Variants in PCDH11X observed in about 807,000 individuals in gnomAD.
The protein encoded by PCDH11X is protocadherin 11 X-linked, also known as protocadherin-11 X-linked.
PCDH11X carries 18 observed loss-of-function variants against 53.3 expected under a neutral mutation model. The observed-to-expected ratio is 0.34, with a 90% CI of 0.23 to 0.50. The LOEUF is 0.50. PCDH11X is among the 20% of genes least tolerant of loss of function. PCDH11X has a pLI of 0.98. For missense variants in PCDH11X, 570 were observed against 1,032.4 expected (o/e 0.55, Z 6.14); for synonymous variants, 279 against 393.3 (o/e 0.71, Z 3.44).
chrX:92,451,845 G>A (rs1372591801), intron 9 of PCDH11X, among the ~76,000 whole-genome samples: 2 of 110,867 alleles, frequency 1.8e-5, no homozygotes, highest in African/African-American at 6.6e-5. Context: ...ATTCTCCCTA[G>A]ACTAAATTCT....
intron 5 of PCDH11X, among the ~76,000 whole-genome samples, chrX:91,841,114 C>T (rs947455158): frequency 9.0e-6 from 1 of 110,559 alleles, no homozygotes; most frequent in Admixed American, 9.8e-5. Context: ...TCAAAGTACA[C>T]TTCCACTGGG....
chrX:91,886,767 C>T (rs750024656), intron 6 of PCDH11X, among the ~76,000 whole-genome samples: 52 of 108,620 alleles, frequency 4.8e-4, no homozygotes, highest in South Asian at 7.9e-4. Context: ...GTCAGGAGAT[C>T]GAGACCATCC....
chrX:92,091,199 C>T (rs1330152569), intron 6 of PCDH11X, among the ~76,000 whole-genome samples: 1 of 111,222 alleles, frequency 9.0e-6, no homozygotes, highest in Non-Finnish European at 1.9e-5. Flanking sequence ...AACAGGAAGT[C>T]AGTTTAGAAG....
chrX:92,314,822 T>C (rs1174251440), intron 8 of PCDH11X, among the ~76,000 whole-genome samples: 3 of 111,557 alleles, frequency 2.7e-5, no homozygotes, highest in South Asian at 3.8e-4. Flanking sequence ...ATCTAAAACA[T>C]TGATATACAG....
At chrX:92,416,176 A>G (rs981713405) in intron 9 of PCDH11X, among the ~76,000 whole-genome samples, 3 of 110,975 alleles carry the variant, frequency 2.7e-5, no homozygotes, top group Non-Finnish European at 5.7e-5. Flanking sequence ...GATCCTGGAA[A>G]GGGTAGTGGG....
At chrX:92,545,353 G>A (rs1186589564) in intron 10 of PCDH11X, among the ~76,000 whole-genome samples, 1 of 96,459 alleles carries the variant, frequency 1.0e-5, no homozygotes, top group Non-Finnish European at 2.1e-5. Context: ...TTAAAGTCTC[G>A]TTTTTAGTAT....
At chrX:92,578,359 T>TA (rs1219794820) in intron 10 of PCDH11X, among the ~76,000 whole-genome samples, 1 of 109,498 alleles carries the variant, frequency 9.1e-6, no homozygotes, top group Non-Finnish European at 1.9e-5. Flanking sequence ...TAATGTATAA[T>TA]AAAAATAAAT....
rs754306629 is a variant in PCDH11X at position 92,422,051 on chromosome X, G to T, written c.3343+34118G>T. ...AGTTTCTACTTCTGTGAAAGAAATA[G>T]AATGTCTACTTATTAGACAGTGATT... is the stretch of plus-strand genomic sequence containing the variant. On this transcript the variant is annotated intron_variant, in intron 9 of 10. Transcript: ENST00000682573. Among the ~76,000 whole-genome samples, 3 of 109,174 alleles carry T rather than the reference G, an allele frequency of 2.7e-5. No homozygotes were observed. In the South Asian group the frequency reaches 1.2e-3, roughly 43 times the overall value. 94.8% of individuals were successfully genotyped at this position (109,174 alleles called of 115,157 possible). A position where few individuals can be genotyped will look rare whatever the true frequency, so the allele number is the denominator to read the frequency against.
At chrX:91,825,356 G>GAT (rs1936877038) in intron 4 of PCDH11X, among the ~76,000 whole-genome samples, 3 of 111,729 alleles carry the variant, frequency 2.7e-5, no homozygotes, top group African/African-American at 9.8e-5. Context: ...TTCCGAGCCA[G>GAT]GTGCAGGATA....
intron 9 of PCDH11X, chrX:92,460,710 A>G: frequency 9.9e-7 from 1 of 1,005,213 alleles, no homozygotes; most frequent in Non-Finnish European, 1.4e-6. Flanking sequence ...GAGCTGGCAC[A>G]GACCCGGGCA....
intron 10 of PCDH11X, among the ~76,000 whole-genome samples, chrX:92,589,065 GA>G (rs1198642021): frequency 9.0e-6 from 1 of 111,238 alleles, no homozygotes; most frequent in African/African-American, 3.3e-5. Context: ...CAACAACAAA[GA>G]AAACCCTTCT....
In PCDH11X at chrX:91,992,914, A is replaced by G. The variant is rs188953899; in HGVS notation, c.3033+113641A>G. Among the ~76,000 whole-genome samples, 13 of 112,036 alleles carry G rather than the reference A, an allele frequency of 1.2e-4. No homozygotes were observed. In the East Asian group the frequency reaches 3.7e-3, roughly 32 times the overall value. On this transcript the variant is annotated intron_variant, in intron 6 of 10. Coordinates refer to ENST00000682573, the MANE Select transcript of PCDH11X (RefSeq NM_032968.5). ...TTTAACTATCAGATATTGCTTCACTACTGGTGTAAATGGGGTGTAGTTTGG... is the reference window on the plus strand; with the variant it reads ...TTTAACTATCAGATATTGCTTCACTGCTGGTGTAAATGGGGTGTAGTTTGG...
chrX:91,971,250 A>G (rs2061956165), intron 6 of PCDH11X, among the ~76,000 whole-genome samples: 1 of 110,580 alleles, frequency 9.0e-6, no homozygotes, highest in African/African-American at 3.3e-5. Flanking sequence ...ACAAAAAAAA[A>G]AGAAGAAACT....
intron 6 of PCDH11X, among the ~76,000 whole-genome samples, chrX:91,956,405 C>T (rs1213434435): frequency 9.0e-6 from 1 of 111,549 alleles, no homozygotes; most frequent in Non-Finnish European, 1.9e-5. Flanking sequence ...TTTTCCTTTC[C>T]ATATTTAGTG....
chrX:92,567,201 A>T (rs1921579809), intron 10 of PCDH11X, among the ~76,000 whole-genome samples: 2 of 105,839 alleles, frequency 1.9e-5, no homozygotes, highest in Non-Finnish European at 1.9e-5. Context: ...GCATTGAATG[A>T]ATAAATTATT....
intron 7 of PCDH11X, among the ~76,000 whole-genome samples, chrX:92,210,726 A>G (rs961896264): frequency 9.0e-5 from 10 of 111,632 alleles, no homozygotes; most frequent in African/African-American, 3.3e-4. Context: ...AATTTCTTCC[A>G]CCAGATACCC....
chrX:91,902,995 AT>A (rs1266364253), intron 6 of PCDH11X, among the ~76,000 whole-genome samples: 1 of 111,826 alleles, frequency 8.9e-6, no homozygotes, highest in Non-Finnish European at 1.9e-5. Flanking sequence ...AACTCATTTA[AT>A]TTTCATACTA....
intron 7 of PCDH11X, among the ~76,000 whole-genome samples, chrX:92,233,286 T>G (rs990679632): frequency 2.7e-5 from 3 of 111,522 alleles, no homozygotes; most frequent in Non-Finnish European, 3.8e-5. Flanking sequence ...TCCTTTCCCA[T>G]TTTTTTAATG....
At chrX:92,100,494 G>T (rs1261484007) in intron 6 of PCDH11X, among the ~76,000 whole-genome samples, 1 of 110,589 alleles carries the variant, frequency 9.0e-6, no homozygotes, top group Non-Finnish European at 1.9e-5. Context: ...CCAGGAAAAG[G>T]ACTTTCACAA....
Sources: gnomAD v4.1 joint callset for allele counts (sites outside exome capture counted in the v4.1 genomes callset) on GRCh38, gnomAD v4.1.1 for gene constraint, MANE v1.5 for transcripts, NCBI Gene and HGNC (gene_info 2026-07-23, HGNC 2026-07-21) for gene names.